Variants in SAMSN1 observed in about 807,000 individuals in gnomAD.
The protein encoded by SAMSN1 is SAM domain, SH3 domain and nuclear localization signals 1, also known as SAM domain-containing protein SAMSN-1.
SAMSN1 carries 31 observed loss-of-function variants against 42.0 expected under a neutral mutation model. The ratio of observed to expected loss-of-function variants is 0.74; its 90% CI spans 0.55 to 1.00. The LOEUF (loss-of-function observed/expected upper bound fraction) is 1.00, where lower values mean the gene tolerates loss of function less well. Ranked by LOEUF, SAMSN1 falls within the 50% of genes least tolerant of loss-of-function variation. SAMSN1 has a pLI of 0.00. For missense variants in SAMSN1, 464 were observed against 439.4 expected, an observed-to-expected ratio of 1.06 and a Z score of -0.50; for synonymous variants, 178 against 151.9, an observed-to-expected ratio of 1.17 and a Z score of -1.26.
At chr21:14,502,804 T>C (rs1245017041) in intron 5 of SAMSN1, among the ~76,000 whole-genome samples, 2 of 152,208 alleles carry the variant, frequency 1.3e-5, no homozygotes, top group Non-Finnish European at 2.9e-5. Flanking sequence ...AATTCTCCAG[T>C]TGAGCTCACT....
chr21:14,549,776 C>T (rs889954858), upstream of SAMSN1, among the ~76,000 whole-genome samples: 1 of 152,092 alleles, frequency 6.6e-6, no homozygotes, highest in African/African-American at 2.4e-5. Context: ...ATAAAAGTAA[C>T]TTAACCTTGA....
chr21:14,501,922 GA>G (rs1987176320), intron 5 of SAMSN1, among the ~76,000 whole-genome samples: 1 of 152,158 alleles, frequency 6.6e-6, no homozygotes, highest in Non-Finnish European at 1.5e-5. Flanking sequence ...GGCAAGGGTA[GA>G]AAACCTCATG....
intron 1 of SAMSN1, among the ~76,000 whole-genome samples, chr21:14,654,637 T>C (rs1034895901): frequency 1.3e-5 from 2 of 151,988 alleles, no homozygotes; most frequent in Non-Finnish European, 2.9e-5. Context: ...CAAGAAGATA[T>C]GGGCCAGAGA....
At chr21:14,527,997 T>C (rs1978990442) in intron 1 of SAMSN1, among the ~76,000 whole-genome samples, 1 of 152,168 alleles carries the variant, frequency 6.6e-6, no homozygotes, top group African/African-American at 2.4e-5. Context: ...AATAATATTT[T>C]GATATGTTTT....
chr21:14,546,419 A>G (rs1379909537), upstream of SAMSN1: 5 of 1,259,910 alleles, frequency 4.0e-6, no homozygotes, highest in South Asian at 2.0e-5. Flanking sequence ...CAACATTTAC[A>G]TGGGTAATTT....
In SAMSN1 at chr21:14,516,976, A is replaced by C. The variant is rs775123132; in HGVS notation, c.195T>G (p.Gly65=). 1.2e-6 allele frequency: 2 copies of C among 1,613,132 alleles called. No individual in the cohort carries two copies. Among genetic ancestry groups the C allele is most frequent in the Non-Finnish European group, 1.7e-6 (2 of 1,179,520 alleles). The change falls in exon 3 of 8, where the codon GGT becomes GGG. Residue 65 remains glycine (G), a synonymous_variant. Transcript: ENST00000400566. ...AAATAGCTCTCATTTTTTTACCCAA[A>C]CCGCCTCCATTATTTGAAGTTTTAC... is the stretch of plus-strand genomic sequence containing the variant. ...EQSKTSNNGG[G]LGKKMRAISW...
At chr21:14,491,733 A>G (rs914492809) in intron 7 of SAMSN1, among the ~76,000 whole-genome samples, 35 of 152,188 alleles carry the variant, frequency 2.3e-4, no homozygotes, top group Non-Finnish European at 4.3e-4. Flanking sequence ...TTTGTGTTAA[A>G]TAAATTTGTG....
intron 2 of SAMSN1, among the ~76,000 whole-genome samples, chr21:14,577,191 G>T (rs1238336823): frequency 1.6e-5 from 2 of 128,652 alleles, no homozygotes; most frequent in South Asian, 5.1e-4. Context: ...GAGTAGCTGG[G>T]ATTACAGGTG....
upstream of SAMSN1, among the ~76,000 whole-genome samples, chr21:14,587,375 A>G (rs1362692156): frequency 6.6e-6 from 1 of 151,964 alleles, no homozygotes; most frequent in East Asian, 1.9e-4. Context: ...CTCCTTTACT[A>G]TTTGATATTC....
rs756434680 is a variant in SAMSN1 at position 14,510,323 on chromosome 21, G to A, written c.548C>T (p.Ser183Phe). ...ATGTCCTCTCACCTTGATTTTGAGG[G>A]AGTCAGTGTCATAGGGACTTGGCGT... The part of the protein sequence containing the change: ...DFTPSPYDTD[S>F]LKIKKGDIID... The change falls in exon 5 of 8, where the codon TCC (serine) becomes TTC (phenylalanine). Residue 183 changes from serine to phenylalanine, a missense_variant. Coordinates refer to ENST00000400566, the MANE Select transcript of SAMSN1 (RefSeq NM_022136.5). The A allele has an allele frequency of 3.1e-6, 5 of 1,614,054 alleles. No individual in the cohort carries two copies. Among genetic ancestry groups the A allele is most frequent in the Non-Finnish European group, 4.2e-6 (5 of 1,179,986 alleles).
chr21:14,563,487 T>C (rs1434940601), intron 2 of SAMSN1, among the ~76,000 whole-genome samples: 1 of 152,178 alleles, frequency 6.6e-6, no homozygotes, highest in Admixed American at 6.5e-5. Context: ...TTATGTAAAA[T>C]CATAAAATTT....
chr21:14,621,140 A>C (rs868111425), intron 2 of SAMSN1, among the ~76,000 whole-genome samples: 12 of 152,220 alleles, frequency 7.9e-5, no homozygotes, highest in Middle Eastern at 3.2e-3. Flanking sequence ...CATGTAGCAA[A>C]GAGGATGATT....
chr21:14,549,092 G>A (rs1367844641), upstream of SAMSN1, among the ~76,000 whole-genome samples: 5 of 152,180 alleles, frequency 3.3e-5, no homozygotes, highest in Admixed American at 1.3e-4. Flanking sequence ...GACAAAGATT[G>A]AGGTGTATTT....
At position 14,516,913 on chromosome 21, in the gene SAMSN1, G is replaced by T. The variant is rs1987943177; in HGVS notation, c.258C>A (p.Ile86=). 1.9e-6 allele frequency: 3 copies of T among 1,609,794 alleles called. No homozygotes were observed. In the Admixed American group the frequency reaches 5.1e-5, roughly 27 times the overall value. ...TMKKKVGKKY[I]KALSEEKDEE... ...TTACCTTTTCCTCAGAAAGGGCTTT[G>T]ATGTACTTTTTACCCACTTTTTTCT... Residue 86 remains isoleucine (I), a synonymous_variant, in exon 3 of 8, where the codon ATC becomes ATA. Coordinates refer to ENST00000400566, the MANE Select transcript of SAMSN1 (RefSeq NM_022136.5).
At chr21:14,650,263 C>G (rs574111071) in intron 1 of SAMSN1, among the ~76,000 whole-genome samples, 1 of 152,114 alleles carries the variant, frequency 6.6e-6, no homozygotes, top group Non-Finnish European at 1.5e-5. Flanking sequence ...GAAAGTGGAT[C>G]ATTCTCAAGA....
intron 2 of SAMSN1, among the ~76,000 whole-genome samples, chr21:14,633,152 T>C (rs1421393332): frequency 6.6e-6 from 1 of 152,060 alleles, no homozygotes; most frequent in Non-Finnish European, 1.5e-5. Flanking sequence ...CCCAGATATT[T>C]AGTGAAACAC....
upstream of SAMSN1, among the ~76,000 whole-genome samples, chr21:14,550,139 G>A (rs972425962): frequency 1.3e-5 from 2 of 152,074 alleles, no homozygotes; most frequent in African/African-American, 4.8e-5. Flanking sequence ...GGATTTGGGA[G>A]TTTAAGAGAA....
Position 14,485,668 on chromosome 21 carries a change from CCTTT to C in SAMSN1, c.*240_*243del. 3.0e-6 allele frequency: 1 copy of C among 334,982 alleles called. No homozygotes were observed. The highest frequency in any genetic ancestry group is 5.5e-5 in the East Asian group (1 of 18,284). 20.8% of individuals were successfully genotyped at this position (334,982 alleles called of 1,614,324 possible). On this transcript the variant is annotated 3_prime_UTR_variant, in exon 8 of 8. Coordinates refer to ENST00000400566, the MANE Select transcript of SAMSN1 (RefSeq NM_022136.5). ...ACACATACCAAAGTCTTACATTTTG[CCTTT>C]CTAATACAAGCAAGTGAAATATTAA...
chr21:14,618,692 G>GCA (rs1982917168), intron 2 of SAMSN1, among the ~76,000 whole-genome samples: 1 of 19,168 alleles, frequency 5.2e-5, no homozygotes, highest in South Asian at 1.1e-3. Flanking sequence ...GTGTGTGTGT[G>GCA]CGCGCGCGCG....
Sources: gnomAD v4.1 joint callset for allele counts (sites outside exome capture counted in the v4.1 genomes callset) on GRCh38, gnomAD v4.1.1 for gene constraint, MANE v1.5 for transcripts, NCBI Gene and HGNC (gene_info 2026-07-23, HGNC 2026-07-21) for gene names.